The following LZTS1 variants were observed in gnomAD, a reference collection of about 807,000 sequenced individuals.
LZTS1 encodes leucine zipper tumor suppressor 1.
Under a neutral mutation model 45.8 loss-of-function variants are expected in LZTS1, and 31 were observed. That is an observed-to-expected ratio of 0.68 (90% confidence interval 0.51 to 0.91). The LOEUF (loss-of-function observed/expected upper bound fraction) is 0.91, where lower values mean the gene tolerates loss of function less well. Ranked by LOEUF, LZTS1 falls within the 40% of genes least tolerant of loss-of-function variation. The pLI is 0.00. For synonymous variants in LZTS1, 359 were observed against 357.3 expected (o/e 1.00, Z -0.05); for missense variants, 821 against 788.9 (o/e 1.04, Z -0.49).
intron 1 of LZTS1, among the ~76,000 whole-genome samples, chr8:20,256,082 A>AAG (rs1471410305): frequency 3.4e-5 from 5 of 147,588 alleles, no homozygotes; most frequent in East Asian, 3.9e-4. Flanking sequence ...AAAAAAAAAA[A>AAG]AAGAAGAAGA....
At chr8:20,276,668 TG>T (rs1160025924) in intron 1 of LZTS1, among the ~76,000 whole-genome samples, 1 of 152,216 alleles carries the variant, frequency 6.6e-6, no homozygotes, top group African/African-American at 2.4e-5. Flanking sequence ...AACCCAAGGC[TG>T]GGGTCATGGG....
intron 1 of LZTS1, among the ~76,000 whole-genome samples, chr8:20,301,665 C>CA (rs1801080722): frequency 6.6e-6 from 1 of 152,084 alleles, no homozygotes; most frequent in Admixed American, 6.6e-5. Flanking sequence ...CTTTGCTATA[C>CA]ACGCTGACCC....
chr8:20,251,812 A>G (rs78730141), intron 3 of LZTS1, among the ~76,000 whole-genome samples: 5,948 of 152,244 alleles, frequency 0.039, 176 homozygotes, highest in Middle Eastern at 0.095. Context: ...GGGTGCATGC[A>G]GGGGTGAGGT....
intron 1 of LZTS1, among the ~76,000 whole-genome samples, chr8:20,282,496 G>A (rs540666484): frequency 1.3e-5 from 2 of 152,364 alleles, no homozygotes; most frequent in East Asian, 3.9e-4. Flanking sequence ...TCAAACAGAT[G>A]AGGACTGTAA....
chr8:20,266,936 T>C (rs1475083017), intron 1 of LZTS1, among the ~76,000 whole-genome samples: 2 of 151,552 alleles, frequency 1.3e-5, no homozygotes, highest in Non-Finnish European at 2.9e-5. Context: ...GGTGAAACCC[T>C]GTCTCTACTA....
At chr8:20,289,108 T>G (rs1800851924) in intron 1 of LZTS1, 1 of 152,128 alleles carries the variant, frequency 6.6e-6, no homozygotes, top group African/African-American at 2.4e-5. Flanking sequence ...GCTCTATTTC[T>G]TCTGGCTGCT....
At chr8:20,250,654 G>T (rs1799871204) in intron 3 of LZTS1, among the ~76,000 whole-genome samples, 1 of 152,116 alleles carries the variant, frequency 6.6e-6, no homozygotes, top group South Asian at 2.1e-4. Flanking sequence ...ACCTAGGCTG[G>T]GGTGTAGTGG....
At position 20,303,920 on chromosome 8, in the gene LZTS1, C is replaced by T. The variant is rs571573694; in HGVS notation, c.-315G>A. 518 of 984,034 alleles carry T rather than the reference C, an allele frequency of 5.3e-4. 2 individuals are homozygous for T. In the African/African-American group the frequency reaches 8.2e-3, roughly 16 times the overall value. 61.0% of individuals were successfully genotyped at this position (984,034 alleles called of 1,614,324 possible). ...GCAGAGAAACTTTCGGCCTCCCCGC[C>T]CGGCCGCTGCCAACCCGCCAGCTCC... On this transcript the variant is annotated 5_prime_UTR_variant, in exon 1 of 4. Coordinates refer to ENST00000381569, the MANE Select transcript of LZTS1 (RefSeq NM_021020.5).
intron 1 of LZTS1, among the ~76,000 whole-genome samples, chr8:20,270,526 G>A (rs1157973369): frequency 6.6e-6 from 1 of 152,180 alleles, no homozygotes; most frequent in Admixed American, 6.5e-5. Context: ...GTATGGCGAA[G>A]GACAGAGGTG....
chr8:20,288,501 C>T (rs947551179), intron 1 of LZTS1, among the ~76,000 whole-genome samples: 1 of 152,238 alleles, frequency 6.6e-6, no homozygotes, highest in Non-Finnish European at 1.5e-5. Context: ...ACGACACACA[C>T]ATGATCTGGT....
At chr8:20,272,124 C>A (rs552921903) in intron 1 of LZTS1, among the ~76,000 whole-genome samples, 25 of 152,356 alleles carry the variant, frequency 1.6e-4, no homozygotes, top group African/African-American at 5.8e-4. Flanking sequence ...AGAATCATGT[C>A]ATGAATCATG....
chr8:20,268,845 GAA>G (rs1800417643), intron 1 of LZTS1, among the ~76,000 whole-genome samples: 1 of 152,120 alleles, frequency 6.6e-6, no homozygotes, highest in Non-Finnish European at 1.5e-5. Context: ...GGCAGAAAGT[GAA>G]AGGGAAATCG....
intron 1 of LZTS1, among the ~76,000 whole-genome samples, chr8:20,257,211 C>G: frequency 6.6e-6 from 1 of 152,012 alleles, no homozygotes; most frequent in Non-Finnish European, 1.5e-5. Flanking sequence ...ATTAGCCAGG[C>G]AAATTGGGCA....
rs1395026871 is a variant in LZTS1, at chr8:20,255,081, A to C, written c.101T>G (p.Leu34Arg). 1.9e-6 allele frequency: 3 copies of C among 1,614,032 alleles called. No individual in the cohort carries two copies. The East Asian group carries it at 6.7e-5, about 36-fold the overall frequency. The change falls in exon 2 of 4, where the codon CTC becomes CGC. Residue 34 changes from leucine to arginine, a missense_variant. By Grantham distance (102) the Leu-to-Arg change is moderately radical (BLOSUM62 -2). Transcript: ENST00000381569. ...CAGCAGCCCGTCGGAATACCGGTTGAGCTTCTTGAGGTGGGAGGACTTGCG... is the reference window on the plus strand; with the variant it reads ...CAGCAGCCCGTCGGAATACCGGTTGCGCTTCTTGAGGTGGGAGGACTTGCG... ...KLRKSSHLKK[L>R]NRYSDGLLRF...
intron 1 of LZTS1, among the ~76,000 whole-genome samples, chr8:20,267,130 A>G (rs975426370): frequency 3.3e-5 from 5 of 151,574 alleles, no homozygotes; most frequent in African/African-American, 1.2e-4. Flanking sequence ...AAAGAAAAGA[A>G]AAAAAAAGAA....
chr8:20,267,572 G>C (rs1011180780), intron 1 of LZTS1, among the ~76,000 whole-genome samples: 1 of 152,202 alleles, frequency 6.6e-6, no homozygotes, highest in African/African-American at 2.4e-5. Flanking sequence ...CTGGAGTGCA[G>C]TGATGTGATC....
At chr8:20,292,214 A>G in intron 1 of LZTS1, among the ~76,000 whole-genome samples, 1 of 152,218 alleles carries the variant, frequency 6.6e-6, no homozygotes, top group East Asian at 1.9e-4. Context: ...TAGGCAAAGG[A>G]ACCCCTGGCA....
intron 3 of LZTS1, 92 bp from the exon 4 acceptor site, chr8:20,250,455 T>A: frequency 7.6e-7 from 1 of 1,311,780 alleles, no homozygotes; most frequent in Non-Finnish European, 1.0e-6. Context: ...ACCAAGCCAC[T>A]CCGGATGCGG....
chr8:20,284,187 T>TGGCTGGATCAGCAAA (rs1563891176), intron 1 of LZTS1, among the ~76,000 whole-genome samples: 1 of 152,204 alleles, frequency 6.6e-6, no homozygotes, highest in Non-Finnish European at 1.5e-5. Context: ...TGAGAGGCTC[T>TGGCTGGATCAGCAAA]GGCTGGATCA....
Sources: allele counts gnomAD v4.1 joint callset (sites outside exome capture counted in the v4.1 genomes callset), GRCh38; gene constraint gnomAD v4.1.1; transcripts MANE v1.5; gene names NCBI Gene and HGNC (gene_info 2026-07-23, HGNC 2026-07-21).